MEGF10: variants seen among roughly 807,000 people sequenced by gnomAD.
MEGF10 encodes the protein multiple EGF like domains 10, also known as multiple epidermal growth factor-like domains protein 10.
MEGF10 carries 86 observed loss-of-function variants against 147.5 expected under a neutral mutation model. The observed-to-expected ratio is 0.58, with a 90% CI of 0.49 to 0.70. The LOEUF is 0.70. Among genes scored for constraint, MEGF10 ranks in the 30% least tolerant of loss-of-function variants. MEGF10 has a pLI of 0.00. For missense variants in MEGF10, 1,329 were observed against 1,487.3 expected (o/e 0.89, Z 1.75); for synonymous variants, 478 against 525.5 (o/e 0.91, Z 1.24).
At chr5:127,421,393 T>G (rs1764996748) in intron 12 of MEGF10, among the ~76,000 whole-genome samples, 1 of 152,230 alleles carries the variant, frequency 6.6e-6, no homozygotes, top group South Asian at 2.1e-4. Context: ...ACCCACTACC[T>G]GTCTATGCTG....
chr5:127,398,686 C>A lies in MEGF10; in HGVS notation c.670C>A (p.Leu224Ile), dbSNP rs1245272846. The A allele has an allele frequency of 6.2e-7, 1 of 1,614,114 alleles. No homozygotes were observed. The highest frequency in any genetic ancestry group is 1.7e-5 in the Admixed American group (1 of 60,028). Residue 224 changes from leucine to isoleucine, a missense_variant, in exon 7 of 25, where the codon CTT (leucine) becomes ATT (isoleucine). Around this residue, in one of 3 missense-constraint regions of MEGF10, gnomAD observed 980 missense variants for 1,085.9 expected, o/e 0.90. Transcript: ENST00000503335. ...ATGTTAATCCCTCAGCTGTGAGGAT[C>A]TTTGTCCTCCTGGTAAACATGGTCC... Reference protein sequence around the residue: ...PGYTGAFCEDLCPPGKHGPQC... With the variant: ...PGYTGAFCEDICPPGKHGPQC...
chr5:127,331,172 G>A, intron 1 of MEGF10, 119 bp from the exon 2 acceptor site: 1 of 592,316 alleles, frequency 1.7e-6, no homozygotes, highest in Non-Finnish European at 3.0e-6. Flanking sequence ...TGAAATACAT[G>A]GCTTGTTATG....
chr5:127,440,807 G>A lies in MEGF10; in HGVS notation c.2302G>A (p.Asp768Asn), dbSNP rs373093349. The change falls in exon 18 of 25, where the codon GAC (aspartate) becomes AAC (asparagine). Residue 768 changes from aspartate (D) to asparagine (N), a missense_variant. Asp to Asn is a conservative substitution (Grantham distance 23). This residue lies in a region of MEGF10 where 980 missense variants were observed against 1,085.9 expected (regional missense o/e 0.90). Transcript: ENST00000503335. ...CCAATGTCAAAACGGAGCTGACTGC[G>A]ACCACATTTCTGGGCAGTGTACTTG... ...ICQCQNGADCDHISGQCTCRT... is the reference protein window; with the variant it reads ...ICQCQNGADCNHISGQCTCRT... 52 of 1,613,994 alleles carry A rather than the reference G, an allele frequency of 3.2e-5. No homozygotes were observed. Among genetic ancestry groups the A allele is most frequent in the Admixed American group, 8.3e-5 (5 of 60,010 alleles).
Position 127,443,139 on chromosome 5 carries a change from G to T in MEGF10, c.2491+13G>T. 1 of 1,609,668 alleles carries T rather than the reference G, an allele frequency of 6.2e-7. No homozygotes were observed. The highest frequency in any genetic ancestry group is 8.5e-7 in the Non-Finnish European group (1 of 1,177,532). On this transcript the variant is annotated intron_variant, in intron 19 of 24. Transcript: ENST00000503335. ...AGATGTGATCAAGGTAAATATACTA[G>T]CTAATGTTTGTAGCACTGCAGTATT...
chr5:127,277,846 A>T, the MEGF10 span, among the ~76,000 whole-genome samples: 7,123 of 152,286 alleles, frequency 0.047, 274 homozygotes, highest in African/African-American at 0.1. Context: ...AATGAAAGGA[A>T]AAAGATGCCA....
In MEGF10 at chr5:127,402,577, GT is replaced by G; in HGVS notation, c.813del (p.Arg272AlafsTer64). The G allele has an allele frequency of 6.2e-7, 1 of 1,614,012 alleles. No individual in the cohort carries two copies. The highest frequency in any genetic ancestry group is 1.7e-5 in the Admixed American group (1 of 60,006). ...GTGTGTGGTCAGCCTTGCCCCGAGG[GT>G]CGCTTTGGAAAGAACTGTTCCCAAG... ...GTVCGQPCPE[G>X]RFGKNCSQEC... On this transcript the variant is annotated frameshift_variant, in exon 8 of 25. Transcript: ENST00000503335. LOFTEE classifies it high-confidence loss of function.
chr5:127,443,229 C>A, intron 19 of MEGF10, 103 bp downstream of exon 19: 1 of 1,243,430 alleles, frequency 8.0e-7, no homozygotes, highest in Non-Finnish European at 1.1e-6. Flanking sequence ...AGAATCTTCA[C>A]CACAACTCTA....
At chr5:127,273,595 T>C in the MEGF10 span, among the ~76,000 whole-genome samples, 1 of 152,232 alleles carries the variant, frequency 6.6e-6, no homozygotes, top group Non-Finnish European at 1.5e-5. Context: ...TATTTTCATG[T>C]GGATAATGAA....
At chr5:127,457,096 C>A (rs772629508) in intron 24 of MEGF10, 32 bp from the exon 25 acceptor site, 4 of 1,525,584 alleles carry the variant, frequency 2.6e-6, no homozygotes, top group Non-Finnish European at 3.5e-6. Context: ...ATTTCCTTTG[C>A]TGATAAATTA....
intron 1 of MEGF10, among the ~76,000 whole-genome samples, chr5:127,330,896 C>T (rs1420818690): frequency 6.6e-6 from 1 of 152,116 alleles, no homozygotes; most frequent in Non-Finnish European, 1.5e-5. Flanking sequence ...CATTTATTTT[C>T]TAGAACAAAT....
chr5:127,298,782 C>G (rs1024604332), intron 1 of MEGF10, among the ~76,000 whole-genome samples: 1 of 152,152 alleles, frequency 6.6e-6, no homozygotes, highest in Admixed American at 6.5e-5. Flanking sequence ...TGTAACACAA[C>G]GCTGTTCATG....
intron 19 of MEGF10, among the ~76,000 whole-genome samples, chr5:127,443,945 T>TA (rs1399601814): frequency 6.6e-6 from 1 of 152,216 alleles, no homozygotes; most frequent in Non-Finnish European, 1.5e-5. Flanking sequence ...TTCTCTTGGG[T>TA]AAATACCTAG....
chr5:127,440,808 A>C lies in MEGF10; in HGVS notation c.2303A>C (p.Asp768Ala). Reference sequence around the variant, plus strand: ...CAATGTCAAAACGGAGCTGACTGCGACCACATTTCTGGGCAGTGTACTTGC... The same window carrying C: ...CAATGTCAAAACGGAGCTGACTGCGCCCACATTTCTGGGCAGTGTACTTGC... The part of the protein sequence containing the change: ...ICQCQNGADC[D>A]HISGQCTCRT... The change falls in exon 18 of 25, where the codon GAC (aspartate) becomes GCC (alanine). Residue 768 changes from aspartate to alanine, a missense_variant. By Grantham distance (126) the Asp-to-Ala change is moderately radical. Transcript: ENST00000503335. The C allele has an allele frequency of 6.2e-7, 1 of 1,614,160 alleles. No homozygotes were observed.
chr5:127,337,902 A>G (rs958124636), intron 2 of MEGF10, among the ~76,000 whole-genome samples: 1 of 152,096 alleles, frequency 6.6e-6, no homozygotes, highest in South Asian at 2.1e-4. Flanking sequence ...ATTGCCCAAC[A>G]TTTATGAAGG....
chr5:127,360,078 T>C (rs1434844435), intron 4 of MEGF10, among the ~76,000 whole-genome samples: 1 of 152,130 alleles, frequency 6.6e-6, no homozygotes, highest in Non-Finnish European at 1.5e-5. Context: ...CTATTTAAGA[T>C]AATGTGTATA....
At chr5:127,267,645 T>C in the MEGF10 span, among the ~76,000 whole-genome samples, 1 of 152,212 alleles carries the variant, frequency 6.6e-6, no homozygotes, top group African/African-American at 2.4e-5. Flanking sequence ...CCTGGTTTAA[T>C]CTTGGGAGGG....
intron 22 of MEGF10, among the ~76,000 whole-genome samples, chr5:127,454,082 G>A (rs1471541568): frequency 6.6e-6 from 1 of 152,192 alleles, no homozygotes; most frequent in Non-Finnish European, 1.5e-5. Context: ...GCAAGAGCTA[G>A]TATCACCTGT....
At chr5:127,424,975 G>A (rs949630034) in intron 13 of MEGF10, among the ~76,000 whole-genome samples, 1 of 152,180 alleles carries the variant, frequency 6.6e-6, no homozygotes, top group South Asian at 2.1e-4. Context: ...CTAACAGAGA[G>A]ACCACATCAT....
chr5:127,369,608 T>G (rs1403075910), intron 4 of MEGF10, among the ~76,000 whole-genome samples: 1 of 152,330 alleles, frequency 6.6e-6, no homozygotes, highest in Non-Finnish European at 1.5e-5. Context: ...TATTTGATAC[T>G]CACTGATAAT....
Sources: allele counts gnomAD v4.1 joint callset (sites outside exome capture counted in the v4.1 genomes callset), GRCh38; gene constraint gnomAD v4.1.1; regional missense constraint gnomAD v4.1.1; transcripts MANE v1.5; gene names NCBI Gene and HGNC (gene_info 2026-07-23, HGNC 2026-07-21).